The following SYN3 variants were observed in gnomAD, a reference collection of about 807,000 sequenced individuals.
The protein encoded by SYN3 is synapsin III, also known as synapsin-3.
SYN3 carries 35 observed loss-of-function variants against 65.8 expected under a neutral mutation model. The ratio of observed to expected loss-of-function variants is 0.53; its 90% CI spans 0.41 to 0.70. The LOEUF (loss-of-function observed/expected upper bound fraction) is 0.70. Among genes scored for constraint, SYN3 ranks in the 30% least tolerant of loss-of-function variants. The pLI, the probability that SYN3 is intolerant of heterozygous loss-of-function variation, is 0.00. For missense variants in SYN3, 680 were observed against 749.0 expected, an observed-to-expected ratio of 0.91 and a Z score of 1.08; for synonymous variants, 270 against 292.9, an observed-to-expected ratio of 0.92 and a Z score of 0.80.
intron 1 of SYN3, among the ~76,000 whole-genome samples, chr22:33,054,849 CA>C (rs1241317804): frequency 1.3e-5 from 2 of 152,190 alleles, no homozygotes; most frequent in African/African-American, 4.8e-5. Flanking sequence ...AGTAGCCAAC[CA>C]ATCTGAAACC....
At chr22:33,028,287 C>G (rs1486329032) in intron 1 of SYN3, among the ~76,000 whole-genome samples, 1 of 152,122 alleles carries the variant, frequency 6.6e-6, no homozygotes, top group Non-Finnish European at 1.5e-5. Flanking sequence ...GAGAGTGGGA[C>G]AGCCTCAGGA....
chr22:32,630,946 C>T (rs568977854), intron 6 of SYN3, among the ~76,000 whole-genome samples: 3 of 152,318 alleles, frequency 2.0e-5, no homozygotes, highest in African/African-American at 7.2e-5. Flanking sequence ...CTGAATTTAA[C>T]AGCAACTCGG....
chr22:32,892,424 C>T lies in SYN3; in HGVS notation c.462-23299G>A, dbSNP rs141880596. ...AGGATACAGAGGTTAATGGGATAGACGTGATCCTTGGTTTTGTAGGATAGT... is the reference window on the plus strand; with the variant it reads ...AGGATACAGAGGTTAATGGGATAGATGTGATCCTTGGTTTTGTAGGATAGT... On this transcript the variant is annotated intron_variant, in intron 4 of 13. Coordinates refer to ENST00000358763, the MANE Select transcript of SYN3 (RefSeq NM_003490.4). Among the ~76,000 whole-genome samples the T allele has an allele frequency of 1.4e-4, 21 of 152,314 alleles. No individual in the cohort carries two copies. In the East Asian group the frequency reaches 2.5e-3, roughly 18 times the overall value.
chr22:32,585,041 G>A (rs2059002682), intron 7 of SYN3, among the ~76,000 whole-genome samples: 1 of 152,154 alleles, frequency 6.6e-6, no homozygotes. Context: ...TCCAAATTCT[G>A]CTTCACCACT....
chr22:32,898,289 G>A lies in SYN3; in HGVS notation c.462-29164C>T, dbSNP rs114673861. Among the ~76,000 whole-genome samples the A allele has an allele frequency of 3.0e-3, 453 of 152,048 alleles. 2 individuals are homozygous for A. The highest frequency in any genetic ancestry group is 0.01 in the African/African-American group (429 of 41,474). On this transcript the variant is annotated intron_variant, in intron 4 of 13. Transcript: ENST00000358763. ...GATTACAGGCTGAGCCACTGCGCCC[G>A]GCCCCAGCTATTGTTTTTATTTTTT...
intron 3 of SYN3, among the ~76,000 whole-genome samples, chr22:32,941,674 G>A (rs911200142): frequency 5.3e-5 from 8 of 152,318 alleles, no homozygotes; most frequent in Middle Eastern, 3.4e-3. Flanking sequence ...GGAAGCGCAA[G>A]GGGTAAGGGA....
chr22:32,540,016 A>G (rs1425612803), intron 8 of SYN3, among the ~76,000 whole-genome samples: 1 of 152,148 alleles, frequency 6.6e-6, no homozygotes, highest in Admixed American at 6.5e-5. Flanking sequence ...GATTAGTGGA[A>G]TAGGGCAGTT....
At chr22:32,894,001 C>T (rs1569308837) in intron 4 of SYN3, among the ~76,000 whole-genome samples, 1 of 152,162 alleles carries the variant, frequency 6.6e-6, no homozygotes, top group Non-Finnish European at 1.5e-5. Context: ...GACAATCAGA[C>T]AGTGGACACT....
intron 6 of SYN3, among the ~76,000 whole-genome samples, chr22:32,607,416 C>T (rs904032113): frequency 2.0e-5 from 3 of 152,176 alleles, no homozygotes; most frequent in Non-Finnish European, 2.9e-5. Context: ...TGCCACCACC[C>T]GCCCAGGTGC....
chr22:32,802,215 T>C (rs1046857289), intron 6 of SYN3: 9 of 1,483,346 alleles, frequency 6.1e-6, no homozygotes, highest in African/African-American at 4.2e-5. Context: ...TCCTTTCCTC[T>C]GCCCCAGGAG....
At chr22:32,603,597 A>T (rs558940176) in intron 6 of SYN3, among the ~76,000 whole-genome samples, 17 of 151,814 alleles carry the variant, frequency 1.1e-4, no homozygotes. Flanking sequence ...GACAGTGAAG[A>T]CGGTGCTGCT....
At chr22:32,923,072 C>G (rs1340569297) in intron 4 of SYN3, among the ~76,000 whole-genome samples, 2 of 152,100 alleles carry the variant, frequency 1.3e-5, no homozygotes, top group African/African-American at 2.4e-5. Flanking sequence ...GCTGGAGAAC[C>G]AGGAAAGCTC....
chr22:32,837,873 C>T lies in SYN3; in HGVS notation c.711+27042G>A, dbSNP rs1349983840. ...GCACCCCTGTACTTTGTTGGACTCT[C>T]TGTTTTCTGTCTCTCCAATGGGCTG... is the stretch of plus-strand genomic sequence containing the variant. On this transcript the variant is annotated intron_variant, in intron 6 of 13. Transcript: ENST00000358763. This position sits in a 1 kb window ranked among gnomAD's most constrained non-coding sequence, Gnocchi z 4.1. Among the ~76,000 whole-genome samples the T allele has an allele frequency of 1.3e-5, 2 of 152,336 alleles. No individual in the cohort carries two copies. Among genetic ancestry groups the T allele is most frequent in the East Asian group, 3.9e-4 (2 of 5,178 alleles).
intron 6 of SYN3, among the ~76,000 whole-genome samples, chr22:32,663,399 C>T (rs1212764804): frequency 1.3e-5 from 2 of 151,264 alleles, no homozygotes; most frequent in East Asian, 2.0e-4. Context: ...CCCGGGTTCA[C>T]GCCATTCTCC....
chr22:32,541,513 A>G (rs2058253618), intron 8 of SYN3, 58 bp downstream of exon 8: 3 of 1,603,458 alleles, frequency 1.9e-6, no homozygotes, highest in South Asian at 1.1e-5. Context: ...GCGGCTGGAC[A>G]TGCACCTCTG....
At chr22:33,005,237 G>A (rs1463992844) in intron 2 of SYN3, among the ~76,000 whole-genome samples, 1 of 152,138 alleles carries the variant, frequency 6.6e-6, no homozygotes, top group East Asian at 1.9e-4. Flanking sequence ...GCCACCTTTG[G>A]AGACATGCAC....
intron 6 of SYN3, among the ~76,000 whole-genome samples, chr22:32,855,976 T>A (rs1007066602): frequency 3.9e-5 from 6 of 152,222 alleles, no homozygotes; most frequent in Non-Finnish European, 8.8e-5. Context: ...ACGAACCCAA[T>A]GCTTTCACCA....
intron 7 of SYN3, among the ~76,000 whole-genome samples, chr22:32,543,191 CAG>C (rs1297393156): frequency 6.6e-6 from 1 of 152,218 alleles, no homozygotes; most frequent in South Asian, 2.1e-4. Flanking sequence ...GATGCTTATG[CAG>C]AGTCTTTACA....
rs1568991128 is a variant in SYN3 at position 32,513,790 on chromosome 22, A to G, written c.1645T>C (p.Ser549Pro). 1 of 1,614,156 alleles carries G rather than the reference A, an allele frequency of 6.2e-7. No homozygotes were observed. The change falls in exon 14 of 14, where the codon TCC (serine) becomes CCC (proline). Residue 549 changes from serine to proline, a missense_variant. Coordinates refer to ENST00000358763, the MANE Select transcript of SYN3 (RefSeq NM_003490.4). ...SQSLTNSLST[S>P]DTSQRGTPSE... ...GGGGTCCCACGCTGGGAGGTGTCGG[A>G]TGTGCTGAGGCTGTTAGTCAGGGAC...
Sources: allele counts gnomAD v4.1 joint callset (sites outside exome capture counted in the v4.1 genomes callset), GRCh38; gene constraint gnomAD v4.1.1; non-coding constraint Gnocchi (gnomAD v3.1); transcripts MANE v1.5; gene names NCBI Gene and HGNC (gene_info 2026-07-23, HGNC 2026-07-21).